The following TACR2 variants were observed in gnomAD, a reference collection of about 807,000 sequenced individuals.
TACR2 encodes the protein substance-K receptor.
In TACR2, 24 loss-of-function variants were observed where a neutral mutation model predicts 28.9. The ratio of observed to expected loss-of-function variants is 0.83; its 90% CI spans 0.60 to 1.17. The LOEUF is 1.17. Among genes scored for constraint, TACR2 ranks in the 50% most tolerant of loss-of-function variants. The pLI is 0.00. For synonymous variants in TACR2, 222 were observed against 212.6 expected, an observed-to-expected ratio of 1.04 and a Z score of -0.38; for missense variants, 487 against 524.4, an observed-to-expected ratio of 0.93 and a Z score of 0.70.
At chr10:69,407,023 C>G (rs1257501090) in intron 4 of TACR2, 61 bp downstream of exon 4, 1 of 1,567,446 alleles carries the variant, frequency 6.4e-7, no homozygotes, top group African/African-American at 1.4e-5. Flanking sequence ...GCAGGGGAGC[C>G]CACCTGGGGC....
rs758569718 is a variant in TACR2, at chr10:69,414,988, C to T, written c.544G>A (p.Val182Met). 1.3e-5 allele frequency: 21 copies of T among 1,613,574 alleles called. No individual in the cohort carries two copies. Among genetic ancestry groups the T allele is most frequent in the Admixed American group, 1.7e-5 (1 of 59,994 alleles). Reference sequence around the variant, plus strand: ...CCGCTGTCTTCGGGCCAGGCCACCACGCACTTGGTGGCACCCTGGTCCATG... The same window carrying T: ...CCGCTGTCTTCGGGCCAGGCCACCATGCACTTGGTGGCACCCTGGTCCATG... ...VTMDQGATKC[V>M]VAWPEDSGGK... The change falls in exon 2 of 5, where the codon GTG becomes ATG. Residue 182 changes from valine to methionine, a missense_variant. Transcript: ENST00000373306.
chr10:69,416,185 C>A lies in TACR2; in HGVS notation c.139G>T (p.Ala47Ser). Residue 47 changes from alanine to serine, a missense_variant, in exon 1 of 5, where the codon GCC becomes TCC. By Grantham distance (99) the Ala-to-Ser change is moderately conservative. Transcript: ENST00000373306. ...ATGACGATGGCATTACCCGTCACGG[C>A]CACCAGCACCAGGGCCAGGTAGGCT... is the stretch of plus-strand genomic sequence containing the variant. Reference protein sequence around the residue: ...ATAYLALVLVAVTGNAIVIWI... With the variant: ...ATAYLALVLVSVTGNAIVIWI... The A allele has an allele frequency of 6.2e-7, 1 of 1,614,198 alleles. No homozygotes were observed. The highest frequency in any genetic ancestry group is 8.5e-7 in the Non-Finnish European group (1 of 1,180,042).
chr10:69,405,256 T>C (rs986740695), intron 4 of TACR2, among the ~76,000 whole-genome samples, 172 bp from the exon 5 acceptor site: 1 of 152,104 alleles, frequency 6.6e-6, no homozygotes, highest in Admixed American at 6.5e-5. Flanking sequence ...GTGAGTTTGA[T>C]TTTTGGAAAC....
At chr10:69,408,227 A>G (rs1840522260) in intron 3 of TACR2, among the ~76,000 whole-genome samples, 1 of 152,154 alleles carries the variant, frequency 6.6e-6, no homozygotes, top group Non-Finnish European at 1.5e-5. Flanking sequence ...ATGAAGCTGG[A>G]CAACTATCTG....
chr10:69,415,106 C>T lies in TACR2; in HGVS notation c.426G>A (p.Arg142=). The T allele has an allele frequency of 6.2e-7, 1 of 1,612,702 alleles. No homozygotes were observed. Among genetic ancestry groups the T allele is most frequent in the Middle Eastern group, 2.0e-4 (1 of 5,094 alleles). Residue 142 remains arginine (R), a synonymous_variant, in exon 2 of 5, where the codon CGG becomes CGA. Transcript: ENST00000373306. ...YMAIVHPFQP[R]LSAPSTKAVI... ...CCGCCTTGGTGCTGGGAGCTGAAAG[C>T]CGAGGCTGGAAGGGGTGGACGATGG...
At position 69,404,858 on chromosome 10, in the gene TACR2, GCAAACCATACC is replaced by G; in HGVS notation, c.1154_1164del (p.Gly385AlafsTer9). Reference sequence around the variant, plus strand: ...TCAACATGAGTTTTGGTGGGGGCAAGCAAACCATACCCAAACCATAGCCCTGATCCATCCTG... The same window carrying G: ...TCAACATGAGTTTTGGTGGGGGCAAGCAAACCATAGCCCTGATCCATCCTG... On this transcript the variant is annotated frameshift_variant, in exon 5 of 5. Coordinates refer to ENST00000373306, the MANE Select transcript of TACR2 (RefSeq NM_001057.3). LOFTEE classifies it high-confidence loss of function. The G allele has an allele frequency of 6.3e-7, 1 of 1,575,068 alleles. No individual in the cohort carries two copies. The highest frequency in any genetic ancestry group is 1.1e-5 in the South Asian group (1 of 87,014).
chr10:69,407,096 C>G lies in TACR2; in HGVS notation c.926G>C (p.Cys309Ser). 1 of 1,613,724 alleles carries G rather than the reference C, an allele frequency of 6.2e-7. No individual in the cohort carries two copies. Among genetic ancestry groups the G allele is most frequent in the Non-Finnish European group, 8.5e-7 (1 of 1,179,820 alleles). The change falls in exon 4 of 5, where the codon TGT (cysteine) becomes TCT (serine). Residue 309 changes from cysteine (C) to serine (S), a missense_variant. Coordinates refer to ENST00000373306, the MANE Select transcript of TACR2 (RefSeq NM_001057.3). ...STMYNPIIYCCLNHRFRSGFR... is the reference protein window; with the variant it reads ...STMYNPIIYCSLNHRFRSGFR... ...AGTGGGGGCTCACCTGTGGTTGAGA[C>G]AGCAGTAGATGATGGGATTGTACAT...
Position 69,416,338 on chromosome 10 carries a change from C to A in TACR2, c.-15G>T. The A allele has an allele frequency of 1.3e-6, 2 of 1,568,736 alleles. No homozygotes were observed. The highest frequency in any genetic ancestry group is 1.2e-5 in the South Asian group (1 of 84,028). On this transcript the variant is annotated 5_prime_UTR_variant, in exon 1 of 5. Coordinates refer to ENST00000373306, the MANE Select transcript of TACR2 (RefSeq NM_001057.3). ...CAGGTCCCCATGGCTGCTTCTGGGTCTGGAACAAAGGACCTGGCTCCTCGG... is the reference window on the plus strand; with the variant it reads ...CAGGTCCCCATGGCTGCTTCTGGGTATGGAACAAAGGACCTGGCTCCTCGG...
intron 3 of TACR2, among the ~76,000 whole-genome samples, chr10:69,407,740 A>C (rs1008387130): frequency 1.3e-5 from 2 of 150,260 alleles, no homozygotes; most frequent in Non-Finnish European, 3.0e-5. Flanking sequence ...CCAACCAGGG[A>C]CCCCTGCCTC....
At chr10:69,409,117 G>T (rs1343110184) in intron 2 of TACR2, 42 bp from the exon 3 acceptor site, 23 of 1,500,118 alleles carry the variant, frequency 1.5e-5, no homozygotes, top group Admixed American at 2.3e-5. Context: ...GGGCCCGGGG[G>T]CGACTCCGAA....
intron 2 of TACR2, among the ~76,000 whole-genome samples, chr10:69,413,439 C>T (rs1034862556): frequency 2.0e-5 from 3 of 152,176 alleles, no homozygotes; most frequent in Admixed American, 6.5e-5. Flanking sequence ...AAATACCGAC[C>T]CCAAGTGGCC....
chr10:69,415,521 T>C (rs550378763), intron 1 of TACR2, among the ~76,000 whole-genome samples: 11 of 152,188 alleles, frequency 7.2e-5, no homozygotes, highest in Admixed American at 1.3e-4. Context: ...AGATTGTAAC[T>C]GCAAGCAAAC....
At chr10:69,406,516 C>T (rs1274925946) in intron 4 of TACR2, among the ~76,000 whole-genome samples, 1 of 152,166 alleles carries the variant, frequency 6.6e-6, no homozygotes, top group Non-Finnish European at 1.5e-5. Flanking sequence ...CCCTGAAAGT[C>T]CCTGGAGGAC....
chr10:69,416,112 A>T lies in TACR2; in HGVS notation c.212T>A (p.Phe71Tyr). ...GTCAGCCAGCGCCAGATTGACGATG[A>T]AGTAGTTGGTGACTGTGCGCATCCT... is the stretch of plus-strand genomic sequence containing the variant. ...HRRMRTVTNYFIVNLALADLC... is the reference protein window; with the variant it reads ...HRRMRTVTNYYIVNLALADLC... Residue 71 changes from phenylalanine (F) to tyrosine (Y), a missense_variant, in exon 1 of 5, where the codon TTC becomes TAC. Phe to Tyr is a conservative substitution (Grantham distance 22, BLOSUM62 3). Transcript: ENST00000373306. 1 of 1,614,222 alleles carries T rather than the reference A, an allele frequency of 6.2e-7. No individual in the cohort carries two copies. Among genetic ancestry groups the T allele is most frequent in the Non-Finnish European group, 8.5e-7 (1 of 1,180,042 alleles).
chr10:69,416,458 A>G lies in TACR2; in HGVS notation c.-135T>C. The G allele has an allele frequency of 1.6e-6, 2 of 1,281,784 alleles. No homozygotes were observed. Among genetic ancestry groups the G allele is most frequent in the East Asian group, 2.4e-5 (1 of 41,178 alleles). The allele number at this position is 1,281,784 out of a possible 1,614,324, so 79.4% of individuals were successfully genotyped here. A position where few individuals can be genotyped will look rare whatever the true frequency, so the allele number is the denominator to read the frequency against. ...CAGATGCCAAGCGTGGTGGCACATC[A>G]GGAGAGCCTGGGGCCACTCCTAGGT... On this transcript the variant is annotated 5_prime_UTR_variant, in exon 1 of 5. Transcript: ENST00000373306.
intron 2 of TACR2, among the ~76,000 whole-genome samples, chr10:69,409,916 T>TACATATATATATATAC (rs1274416019): frequency 3.2e-5 from 1 of 31,548 alleles, no homozygotes; most frequent in Non-Finnish European, 6.2e-5. Flanking sequence ...TATATATATA[T>TACATATATATATATAC]ATATATATAT....
At chr10:69,409,894 TATATATATAC>T (rs1354407320) in intron 2 of TACR2, among the ~76,000 whole-genome samples, 431 of 16,814 alleles carry the variant, frequency 0.026, 17 homozygotes, top group South Asian at 0.12. Context: ...TATATACATA[TATATATATAC>T]ATATATATAT....
At chr10:69,409,910 T>TATATAC (rs1840551782) in intron 2 of TACR2, among the ~76,000 whole-genome samples, 1 of 21,960 alleles carries the variant, frequency 4.6e-5, no homozygotes, top group African/African-American at 1.8e-4. Context: ...TATACATATA[T>TATATAC]ATATATATAT....
chr10:69,415,210 C>G lies in TACR2; in HGVS notation c.393-71G>C. On this transcript the variant is annotated intron_variant, in intron 1 of 4. Coordinates refer to ENST00000373306, the MANE Select transcript of TACR2 (RefSeq NM_001057.3). ...CCAGCTCCCTTTCCCCTGTCTCCCT[C>G]TCTCCCAACCCAGGCCCACGCCTTC... 4 of 1,508,834 alleles carry G rather than the reference C, an allele frequency of 2.7e-6. No individual in the cohort carries two copies. The South Asian group carries it at 3.8e-5, about 14-fold the overall frequency. 93.5% of individuals were successfully genotyped at this position (1,508,834 alleles called of 1,614,324 possible).
Sources: gnomAD v4.1 joint callset for allele counts (sites outside exome capture counted in the v4.1 genomes callset) on GRCh38, gnomAD v4.1.1 for gene constraint, MANE v1.5 for transcripts, NCBI Gene and HGNC (gene_info 2026-07-23, HGNC 2026-07-21) for gene names.